C13orf46: variants seen among roughly 807,000 people sequenced by gnomAD.
C13orf46 encodes chromosome 13 open reading frame 46.
the C13orf46 span, among the ~76,000 whole-genome samples, chr13:113,945,725 T>C: frequency 6.6e-6 from 1 of 152,074 alleles, no homozygotes; most frequent in Non-Finnish European, 1.5e-5. Flanking sequence ...TCAAGGCCCT[T>C]AATACTGTGC....
At chr13:113,963,880 C>T (rs1003536634) in intron 6 of C13orf46, among the ~76,000 whole-genome samples, 11 of 152,292 alleles carry the variant, frequency 7.2e-5, no homozygotes, top group South Asian at 6.2e-4. Context: ...GATGGAGTTT[C>T]GCTCTTGTCA....
chr13:113,930,971 C>T, the C13orf46 span, among the ~76,000 whole-genome samples: 1 of 152,194 alleles, frequency 6.6e-6, no homozygotes, highest in East Asian at 1.9e-4. Context: ...ACAGAAAGCC[C>T]GTGGGTGGCG....
the C13orf46 span, among the ~76,000 whole-genome samples, chr13:113,932,498 C>T: frequency 3.9e-5 from 6 of 152,214 alleles, no homozygotes; most frequent in Admixed American, 6.5e-5. Context: ...CATCGTCTTG[C>T]GTGCTTCTGT....
the C13orf46 span, among the ~76,000 whole-genome samples, chr13:113,939,244 C>T: frequency 5.3e-5 from 8 of 152,196 alleles, no homozygotes; most frequent in Non-Finnish European, 1.0e-4. Flanking sequence ...CTGGCCCCTT[C>T]CCCCCGCCCC....
At chr13:113,957,818 TG>T (rs2052552480) in intron 6 of C13orf46, among the ~76,000 whole-genome samples, 3 of 59,272 alleles carry the variant, frequency 5.1e-5, no homozygotes, top group Admixed American at 1.9e-4. Context: ...AGCACACTGG[TG>T]GGTCTCCCCT....
the C13orf46 span, among the ~76,000 whole-genome samples, chr13:113,945,628 G>GAA: frequency 3.9e-5 from 5 of 129,772 alleles, no homozygotes; most frequent in African/African-American, 8.9e-5. Context: ...AAGAAAGAAA[G>GAA]AAAGAAAGAA....
At chr13:113,965,685 G>C (rs1258184330) in intron 5 of C13orf46, among the ~76,000 whole-genome samples, 1 of 152,118 alleles carries the variant, frequency 6.6e-6, no homozygotes, top group Non-Finnish European at 1.5e-5. Context: ...TGATGGTGAT[G>C]ATGATGGTGA....
At chr13:113,940,234 C>A in the C13orf46 span, among the ~76,000 whole-genome samples, 3 of 152,194 alleles carry the variant, frequency 2.0e-5, no homozygotes, top group Non-Finnish European at 4.4e-5. Context: ...TCCCCGGAAG[C>A]GAAGAGCAGG....
the C13orf46 span, among the ~76,000 whole-genome samples, chr13:113,945,550 AAAGAAAGAAAGAAAGAAAG>A: frequency 5.5e-5 from 5 of 91,018 alleles, no homozygotes; most frequent in Admixed American, 1.1e-4. Context: ...AGAAAGAAAG[AAAGAAAGAAAGAAAGAAAG>A]AAAGAAAGAG....
At chr13:113,927,556 C>T in the C13orf46 span, 1 of 398,492 alleles carries the variant, frequency 2.5e-6, no homozygotes, top group South Asian at 1.3e-4. Context: ...CTCCACACAC[C>T]CAACTACACT....
At chr13:113,931,038 G>T in the C13orf46 span, among the ~76,000 whole-genome samples, 1 of 152,298 alleles carries the variant, frequency 6.6e-6, no homozygotes, top group South Asian at 2.1e-4. Flanking sequence ...AGGGACCCGG[G>T]GTTCTTGTGT....
At chr13:113,960,247 C>T in intron 6 of C13orf46, among the ~76,000 whole-genome samples, 1 of 116,394 alleles carries the variant, frequency 8.6e-6, no homozygotes, top group East Asian at 2.3e-4. Context: ...CAGAGCGAGA[C>T]TCTGTCTCAA....
chr13:113,957,167 A>T lies in C13orf46; in HGVS notation c.573-328T>A, dbSNP rs1246222269. Among the ~76,000 whole-genome samples the T allele has an allele frequency of 8.4e-5, 6 of 71,596 alleles. No homozygotes were observed. In the East Asian group the frequency reaches 2.6e-3, roughly 31 times the overall value. The allele number at this position is 71,596 out of a possible 152,430, so 47.0% of individuals were successfully genotyped here. On this transcript the variant is annotated intron_variant, in intron 6 of 6. Transcript: ENST00000636427. ...GGGTCTCCCCGCACCTCTGCATGCA[A>T]CCCCTTTCATCAAGCGCACTGGGGG... is the stretch of plus-strand genomic sequence containing the variant.
the C13orf46 span, among the ~76,000 whole-genome samples, chr13:113,947,690 G>A: frequency 6.6e-6 from 1 of 152,164 alleles, no homozygotes; most frequent in Non-Finnish European, 1.5e-5. Context: ...CACCTCCCGA[G>A]ATTCCTTGGG....
At chr13:113,959,320 T>C (rs1052484271) in intron 6 of C13orf46, among the ~76,000 whole-genome samples, 1 of 152,102 alleles carries the variant, frequency 6.6e-6, no homozygotes, top group East Asian at 1.9e-4. Flanking sequence ...GTGAGGCTGA[T>C]TGGGTAGAAT....
intron 4 of C13orf46, among the ~76,000 whole-genome samples, chr13:113,967,944 A>G (rs1244367957): frequency 6.6e-6 from 1 of 152,090 alleles, no homozygotes; most frequent in Non-Finnish European, 1.5e-5. Flanking sequence ...GTCTGATGGG[A>G]GCATTTGAGT....
rs924643494 is a variant in C13orf46, at chr13:113,962,764, G to C, written c.572+2163C>G. Among the ~76,000 whole-genome samples, 373 of 152,288 alleles carry C rather than the reference G, an allele frequency of 2.4e-3. 1 individual carries two copies. Among genetic ancestry groups the C allele is most frequent in the Middle Eastern group, 0.024 (7 of 294 alleles). ...TTTCGACCCAGGATTGTCCAGCTTG[G>C]GGCAGAAAACAGCCATCGAGCTGTG... On this transcript the variant is annotated intron_variant, in intron 6 of 6. Transcript: ENST00000636427.
the C13orf46 span, among the ~76,000 whole-genome samples, chr13:113,943,655 CATTTT>C: frequency 2.6e-5 from 4 of 152,214 alleles, no homozygotes; most frequent in Non-Finnish European, 5.9e-5. Context: ...TCTCGGGTTA[CATTTT>C]AAGAGGGCTC....
chr13:113,929,385 C>T, the C13orf46 span, among the ~76,000 whole-genome samples: 1 of 152,262 alleles, frequency 6.6e-6, no homozygotes, highest in African/African-American at 2.4e-5. Flanking sequence ...TCCCGCTGCA[C>T]ATGTGGCAGC....
Sources: allele counts gnomAD v4.1 joint callset (sites outside exome capture counted in the v4.1 genomes callset), GRCh38; gene constraint gnomAD v4.1.1; transcripts MANE v1.5; gene names NCBI Gene and HGNC (gene_info 2026-07-23, HGNC 2026-07-21).